PLSCR4: variants seen among roughly 807,000 people sequenced by gnomAD.
The protein encoded by PLSCR4 is phospholipid scramblase 4, also known as Ca(2+)-dependent phospholipid scramblase 4.
In PLSCR4, 25 loss-of-function variants were observed where a neutral mutation model predicts 36.3. The observed-to-expected ratio is 0.69, with a 90% confidence interval of 0.50 to 0.96. The LOEUF is 0.96. PLSCR4 is among the 40% of genes least tolerant of loss of function. PLSCR4 has a pLI of 0.00. For missense variants in PLSCR4, 408 were observed against 414.7 expected, an observed-to-expected ratio of 0.98 and a Z score of 0.14; for synonymous variants, 122 against 132.9, an observed-to-expected ratio of 0.92 and a Z score of 0.56.
chr3:146,244,932 A>G (rs1350291747), intron 1 of PLSCR4, among the ~76,000 whole-genome samples: 1 of 152,122 alleles, frequency 6.6e-6, no homozygotes, highest in Non-Finnish European at 1.5e-5. Flanking sequence ...AGGATTCACC[A>G]TTTTAGATAC....
chr3:146,227,304 C>T lies in PLSCR4; in HGVS notation c.-21-5212G>A, dbSNP rs377637198. ...TGATATGCATACAGGGGAATCTGGG[C>T]TGCCTGGAATGTAATTAAGAGAGAA... On this transcript the variant is annotated intron_variant, in intron 1 of 8. Coordinates refer to ENST00000354952, the MANE Select transcript of PLSCR4 (RefSeq NM_020353.3). 5.6e-4 allele frequency among the ~76,000 whole-genome samples: 85 copies of T among 152,200 alleles called. 5 individuals are homozygous for T. In the Middle Eastern group the frequency reaches 0.01, roughly 18 times the overall value.
At chr3:146,242,523 C>A (rs10737947) in intron 1 of PLSCR4, among the ~76,000 whole-genome samples, 117,989 of 152,062 alleles carry the variant, frequency 0.78, 46,959 homozygotes, top group Non-Finnish European at 0.87. Context: ...GTCATGCCAA[C>A]AACAGGACTG....
chr3:146,226,899 A>G (rs934810765), intron 1 of PLSCR4, among the ~76,000 whole-genome samples: 6 of 152,224 alleles, frequency 3.9e-5, no homozygotes, highest in African/African-American at 1.4e-4. Context: ...TTGCCTCACA[A>G]GTTTCAGATA....
chr3:146,203,240 T>C (rs1026496822), intron 4 of PLSCR4, among the ~76,000 whole-genome samples: 1 of 152,068 alleles, frequency 6.6e-6, no homozygotes, highest in Non-Finnish European at 1.5e-5. Flanking sequence ...ATTGAAATTA[T>C]ACTTTGACCC....
chr3:146,219,250 G>A lies in PLSCR4; in HGVS notation c.118+1565C>T, dbSNP rs973217236. The stretch of plus-strand genomic sequence containing the variant: ...TTGATATACAGAAGAATAGACATAC[G>A]CTTTATCAGATGAGAACATGATGTA... On this transcript the variant is annotated intron_variant, in intron 3 of 8. Coordinates refer to ENST00000354952, the MANE Select transcript of PLSCR4 (RefSeq NM_020353.3). Among the ~76,000 whole-genome samples the A allele has an allele frequency of 3.9e-5, 6 of 152,094 alleles. No homozygotes were observed. The South Asian group carries it at 1.0e-3, about 26-fold the overall frequency.
At chr3:146,205,514 A>G (rs2108237225) in intron 4 of PLSCR4, among the ~76,000 whole-genome samples, 1 of 152,074 alleles carries the variant, frequency 6.6e-6, no homozygotes, top group African/African-American at 2.4e-5. Context: ...TGCTTTGGAG[A>G]CATAATTAAG....
At chr3:146,243,775 CATT>C (rs1372920852) in intron 1 of PLSCR4, among the ~76,000 whole-genome samples, 1 of 152,166 alleles carries the variant, frequency 6.6e-6, no homozygotes, top group Admixed American at 6.5e-5. Context: ...CCAGAGGAAA[CATT>C]CTGAAAAGTC....
intron 1 of PLSCR4, among the ~76,000 whole-genome samples, chr3:146,247,209 A>T (rs549655382): frequency 6.6e-6 from 1 of 152,210 alleles, no homozygotes; most frequent in East Asian, 1.9e-4. Context: ...TGAAAAAAAT[A>T]TTTTCTTCCT....
At chr3:146,208,546 C>T (rs57375558) in intron 3 of PLSCR4, among the ~76,000 whole-genome samples, 1,616 of 151,962 alleles carry the variant, frequency 0.011, 28 homozygotes, top group African/African-American at 0.037. Context: ...GAATCTGTAA[C>T]GAACTCAAAC....
At chr3:146,204,183 A>G (rs35366505) in intron 4 of PLSCR4, among the ~76,000 whole-genome samples, 6,667 of 152,090 alleles carry the variant, frequency 0.044, 184 homozygotes, top group South Asian at 0.073. Context: ...CAAGACTCTG[A>G]AAATAATATA....
chr3:146,234,892 A>G (rs2035854975), intron 1 of PLSCR4, among the ~76,000 whole-genome samples: 1 of 152,144 alleles, frequency 6.6e-6, no homozygotes, highest in Non-Finnish European at 1.5e-5. Context: ...AGAGATCTAA[A>G]TATCATGGCA....
At chr3:146,232,092 G>T (rs997960573) in intron 1 of PLSCR4, among the ~76,000 whole-genome samples, 10 of 152,118 alleles carry the variant, frequency 6.6e-5, no homozygotes, top group African/African-American at 2.4e-4. Flanking sequence ...AGTTATCCCT[G>T]CACCTTTTAT....
chr3:146,223,541 G>C (rs548002457), intron 1 of PLSCR4, among the ~76,000 whole-genome samples: 1 of 152,178 alleles, frequency 6.6e-6, no homozygotes, highest in Admixed American at 6.5e-5. Flanking sequence ...TGTCCAAGTG[G>C]AGTAAAAAAG....
intron 8 of PLSCR4, among the ~76,000 whole-genome samples, chr3:146,194,860 C>A (rs1324754422): frequency 6.6e-6 from 1 of 152,098 alleles, no homozygotes; most frequent in Admixed American, 6.6e-5. Context: ...CCAATGGATA[C>A]CTAATGTTAT....
intron 1 of PLSCR4, among the ~76,000 whole-genome samples, chr3:146,242,413 C>A: frequency 6.6e-6 from 1 of 152,210 alleles, no homozygotes; most frequent in African/African-American, 2.4e-5. Context: ...ACTGCTCTTT[C>A]GCAGCAACTG....
intron 1 of PLSCR4, among the ~76,000 whole-genome samples, chr3:146,224,460 T>C (rs530428064): frequency 1.3e-5 from 2 of 148,948 alleles, no homozygotes; most frequent in South Asian, 4.2e-4. Context: ...GTTACAGCTC[T>C]TAAGGTGGCG....
At chr3:146,197,469 T>C (rs1395991662) in intron 6 of PLSCR4, among the ~76,000 whole-genome samples, 2 of 152,108 alleles carry the variant, frequency 1.3e-5, no homozygotes, top group Non-Finnish European at 2.9e-5. Context: ...CTTTTTAGAT[T>C]TGAAATTGGG....
chr3:146,199,216 ACT>A (rs1345548090), intron 6 of PLSCR4, among the ~76,000 whole-genome samples: 6 of 152,146 alleles, frequency 3.9e-5, no homozygotes, highest in South Asian at 4.1e-4. Context: ...TAGAATTCAG[ACT>A]CTGTTTGGTT....
At chr3:146,228,362 T>G (rs6766725) in intron 1 of PLSCR4, among the ~76,000 whole-genome samples, 16,998 of 152,140 alleles carry the variant, frequency 0.11, 2,712 homozygotes, top group African/African-American at 0.36. Flanking sequence ...AAGATTCTAC[T>G]CTGGGTTCTG....
Sources: allele counts gnomAD v4.1 joint callset (sites outside exome capture counted in the v4.1 genomes callset), GRCh38; gene constraint gnomAD v4.1.1; transcripts MANE v1.5; gene names NCBI Gene and HGNC (gene_info 2026-07-23, HGNC 2026-07-21).